MYZAP: variants seen among roughly 807,000 people sequenced by gnomAD.
MYZAP encodes myocardial zonula adherens protein.
In MYZAP, 66 loss-of-function variants were observed where a neutral mutation model predicts 69.4. The ratio of observed to expected loss-of-function variants is 0.95; its 90% confidence interval spans 0.78 to 1.17. MYZAP has a LOEUF of 1.17. Ranked by LOEUF, MYZAP falls within the 50% of genes most tolerant of loss-of-function variation. The pLI is 0.00. For missense variants in MYZAP, 611 were observed against 556.2 expected (o/e 1.10, Z -0.99); for synonymous variants, 256 against 205.9 (o/e 1.24, Z -2.09).
chr15:57,593,270 A>G (rs2033843657), intron 1 of MYZAP, among the ~76,000 whole-genome samples: 1 of 151,402 alleles, frequency 6.6e-6, no homozygotes, highest in African/African-American at 2.4e-5. Context: ...CAGTTGTCCA[A>G]TCATTAGCAT....
intron 10 of MYZAP, among the ~76,000 whole-genome samples, chr15:57,656,472 A>G (rs1673894502): frequency 1.3e-5 from 2 of 152,242 alleles, no homozygotes; most frequent in South Asian, 4.1e-4. Flanking sequence ...GTTAGTAGTC[A>G]GAAACAATAC....
intron 5 of MYZAP, among the ~76,000 whole-genome samples, chr15:57,627,724 CAGAG>C (rs543400970): frequency 2.6e-3 from 400 of 152,240 alleles, no homozygotes; most frequent in African/African-American, 9.3e-3. Context: ...CTGAGGCCGA[CAGAG>C]AGAAATGACA....
intron 10 of MYZAP, among the ~76,000 whole-genome samples, chr15:57,641,561 G>A (rs1325025056): frequency 1.3e-5 from 2 of 152,160 alleles, no homozygotes; most frequent in African/African-American, 4.8e-5. Flanking sequence ...TCGTTGGAAA[G>A]AAATCACCAG....
chr15:57,593,139 G>GGT (rs76808466), intron 1 of MYZAP, among the ~76,000 whole-genome samples: 89 of 132,980 alleles, frequency 6.7e-4, no homozygotes, highest in African/African-American at 2.6e-3. Context: ...TGGATTCTGG[G>GGT]GTGTGTGTGT....
Position 57,639,463 on chromosome 15 carries a change from C to T in MYZAP, c.1037C>T (p.Ser346Leu), listed in dbSNP as rs767757546. Reference protein sequence around the residue: ...KERYQQLEEASASLRERIRHL... With the variant: ...KERYQQLEEALASLRERIRHL... ...AGGTATCAGCAGTTGGAGGAGGCAT[C>T]AGCCAGCCTCCGTGAGCGGATCAGA... The change falls in exon 10 of 13, where the codon TCA becomes TTA. Residue 346 changes from serine to leucine, a missense_variant. Transcript: ENST00000267853. The T allele has an allele frequency of 1.9e-6, 3 of 1,614,034 alleles. No individual in the cohort carries two copies. The South Asian group carries it at 3.3e-5, about 18-fold the overall frequency.
At chr15:57,602,038 T>C (rs2934428) in intron 1 of MYZAP, among the ~76,000 whole-genome samples, 124,685 of 151,950 alleles carry the variant, frequency 0.82, 51,623 homozygotes, top group East Asian at 0.93. Flanking sequence ...GGTACATTTT[T>C]GGGTGTTGGG....
intron 10 of MYZAP, among the ~76,000 whole-genome samples, chr15:57,653,440 CAA>C (rs1438292970): frequency 6.6e-6 from 1 of 151,922 alleles, no homozygotes; most frequent in Admixed American, 6.6e-5. Flanking sequence ...CAAAATAAAA[CAA>C]ATTTTAAATA....
chr15:57,613,864 A>T (rs1291598546), intron 2 of MYZAP, among the ~76,000 whole-genome samples: 1 of 152,184 alleles, frequency 6.6e-6, no homozygotes, highest in Non-Finnish European at 1.5e-5. Context: ...TCTCTAAAAG[A>T]GACTGTTTCT....
chr15:57,604,282 G>A lies in MYZAP; in HGVS notation c.89G>A (p.Arg30Lys), dbSNP rs1839954019. The change falls in exon 2 of 13, where the codon AGA (arginine) becomes AAA (lysine). Residue 30 changes from arginine (R) to lysine (K), a missense_variant. By Grantham distance (26) the Arg-to-Lys change is conservative. Transcript: ENST00000267853. ...CCTCTCTTCTAGGCAAATGTTTGCAGACTACGGCTGACCGTACCTCCTGAG... is the reference window on the plus strand; with the variant it reads ...CCTCTCTTCTAGGCAAATGTTTGCAAACTACGGCTGACCGTACCTCCTGAG... Reference protein sequence around the residue: ...GAPSRRANVCRLRLTVPPESP... With the variant: ...GAPSRRANVCKLRLTVPPESP... 1.2e-6 allele frequency: 2 copies of A among 1,614,226 alleles called. No individual in the cohort carries two copies. Among genetic ancestry groups the A allele is most frequent in the Non-Finnish European group, 1.7e-6 (2 of 1,180,044 alleles).
At chr15:57,654,870 T>C (rs2037931623) in intron 10 of MYZAP, among the ~76,000 whole-genome samples, 1 of 152,048 alleles carries the variant, frequency 6.6e-6, no homozygotes, top group African/African-American at 2.4e-5. Context: ...TCAAAACATA[T>C]TGGGGGGACT....
At chr15:57,617,252 T>A (rs985204479) in intron 2 of MYZAP, among the ~76,000 whole-genome samples, 1 of 152,172 alleles carries the variant, frequency 6.6e-6, no homozygotes, top group African/African-American at 2.4e-5. Flanking sequence ...ATAGAGTGGT[T>A]GTGAACATTA....
intron 11 of MYZAP, among the ~76,000 whole-genome samples, chr15:57,668,605 A>G (rs2038708632): frequency 6.6e-6 from 1 of 152,090 alleles, no homozygotes; most frequent in South Asian, 2.1e-4. Context: ...TTTAATGTGC[A>G]TTTCCTTGTC....
intron 10 of MYZAP, chr15:57,647,237 C>T (rs953330114): frequency 2.6e-5 from 26 of 985,258 alleles, no homozygotes; most frequent in Admixed American, 1.2e-4. Context: ...AATACTTTTC[C>T]GCATTAGTTA....
chr15:57,646,031 G>A (rs1414545671), intron 10 of MYZAP: 2 of 560,538 alleles, frequency 3.6e-6, no homozygotes, highest in African/African-American at 1.9e-5. Context: ...GTGTTTAGAG[G>A]ATTTCAAGTA....
Position 57,591,997 on chromosome 15 carries a change from A to C in MYZAP, c.-38A>C, listed in dbSNP as rs1358247518. 8 of 1,412,484 alleles carry C rather than the reference A, an allele frequency of 5.7e-6. No individual in the cohort carries two copies. Among genetic ancestry groups the C allele is most frequent in the Non-Finnish European group, 7.4e-6 (8 of 1,085,868 alleles). The allele number at this position is 1,412,484 out of a possible 1,614,324, so 87.5% of individuals were successfully genotyped here. A position where few individuals can be genotyped will look rare whatever the true frequency, so the allele number is the denominator to read the frequency against. ...CGCACGCTTATTCTGCCCGGGAGGA[A>C]CGCCGGCGTCCAGCCCGCTACCGAC... On this transcript the variant is annotated 5_prime_UTR_variant, in exon 1 of 13. Coordinates refer to ENST00000267853, the MANE Select transcript of MYZAP (RefSeq NM_001018100.5).
At chr15:57,659,790 G>A (rs1391706378) in intron 10 of MYZAP, among the ~76,000 whole-genome samples, 7 of 151,996 alleles carry the variant, frequency 4.6e-5, no homozygotes, top group Non-Finnish European at 8.8e-5. Flanking sequence ...TTTTGAATCT[G>A]TAAAATATGC....
chr15:57,622,387 G>A (rs769122714), intron 4 of MYZAP, among the ~76,000 whole-genome samples: 10 of 152,024 alleles, frequency 6.6e-5, no homozygotes, highest in Non-Finnish European at 8.8e-5. Context: ...AGACCAACAG[G>A]TTTTGTTTTT....
intron 10 of MYZAP, among the ~76,000 whole-genome samples, chr15:57,641,604 C>G (rs1444221898): frequency 1.3e-5 from 2 of 152,110 alleles, no homozygotes; most frequent in Non-Finnish European, 2.9e-5. Flanking sequence ...AGTTAGCACC[C>G]CCTAGGGGCT....
intron 1 of MYZAP, chr15:57,599,722 A>T: frequency 7.8e-7 from 1 of 1,287,884 alleles, no homozygotes. Flanking sequence ...TGCTGCCTTG[A>T]TGTTACTCGG....
Sources: gnomAD v4.1 joint callset for allele counts (sites outside exome capture counted in the v4.1 genomes callset) on GRCh38, gnomAD v4.1.1 for gene constraint, MANE v1.5 for transcripts, NCBI Gene and HGNC (gene_info 2026-07-23, HGNC 2026-07-21) for gene names.